The following PAQR3 variants were observed in gnomAD, a reference collection of about 807,000 sequenced individuals.
PAQR3 encodes the protein Raf kinase trapping to Golgi.
In PAQR3, 39 loss-of-function variants were observed where a neutral mutation model predicts 41.7. The ratio of observed to expected loss-of-function variants is 0.93; its 90% CI spans 0.72 to 1.22. The LOEUF is 1.22. Among genes scored for constraint, PAQR3 ranks in the 50% most tolerant of loss-of-function variants. The probability of loss-of-function intolerance (pLI) is 0.00; values close to 1 mark genes in which losing one functional copy is unlikely to be tolerated. For synonymous variants in PAQR3, 140 were observed against 140.6 expected, an observed-to-expected ratio of 1.00 and a Z score of 0.03; for missense variants, 366 against 385.6, an observed-to-expected ratio of 0.95 and a Z score of 0.42.
intron 2 of PAQR3, among the ~76,000 whole-genome samples, chr4:78,932,914 A>G (rs190395902): frequency 6.6e-6 from 1 of 152,316 alleles, no homozygotes; most frequent in Non-Finnish European, 1.5e-5. Context: ...GTTTCCTTCT[A>G]TGGAGTACCT....
At chr4:78,893,930 G>T (rs1733570614) in intron 11 of PAQR3, among the ~76,000 whole-genome samples, 1 of 152,192 alleles carries the variant, frequency 6.6e-6, no homozygotes, top group Admixed American at 6.5e-5. Context: ...ATTTTAGCAG[G>T]CATGAAAACA....
chr4:78,912,249 T>C lies in PAQR3; in HGVS notation c.*8290A>G, dbSNP rs1734679132. ...GAGAAAAGGGAGCTAAATTGCAAGC[T>C]CTAACTAAGGGTTTCTGCTACTGAC... On this transcript the variant is annotated 3_prime_UTR_variant, in exon 6 of 6. Coordinates refer to ENST00000512733, the MANE Select transcript of PAQR3 (RefSeq NM_001040202.2). 1.0e-5 allele frequency: 5 copies of C among 498,734 alleles called. No homozygotes were observed. Among genetic ancestry groups the C allele is most frequent in the Non-Finnish European group, 1.4e-5 (4 of 284,958 alleles). The allele number at this position is 498,734 out of a possible 1,614,324, so 30.9% of individuals were successfully genotyped here.
chr4:78,929,052 G>A (rs1736547694), intron 3 of PAQR3, among the ~76,000 whole-genome samples: 1 of 152,206 alleles, frequency 6.6e-6, no homozygotes, highest in South Asian at 2.1e-4. Context: ...ATGGGGAGTG[G>A]CTGTAAATAC....
chr4:78,917,666 G>C lies in PAQR3; in HGVS notation c.*2873C>G, dbSNP rs150222158. On this transcript the variant is annotated 3_prime_UTR_variant, in exon 6 of 6. Coordinates refer to ENST00000512733, the MANE Select transcript of PAQR3 (RefSeq NM_001040202.2). ...CAGGAATGATGATTTACAGTGGACAGGGACCTAATGCAGCAAAGCAACCAG... is the reference window on the plus strand; with the variant it reads ...CAGGAATGATGATTTACAGTGGACACGGACCTAATGCAGCAAAGCAACCAG... 1 of 287,944 alleles carries C rather than the reference G, an allele frequency of 3.5e-6. No homozygotes were observed. Among genetic ancestry groups the C allele is most frequent in the East Asian group, 1.8e-4 (1 of 5,672 alleles). 17.8% of individuals were successfully genotyped at this position (287,944 alleles called of 1,614,324 possible). A position where few individuals can be genotyped will look rare whatever the true frequency, so the allele number is the denominator to read the frequency against.
chr4:78,899,871 A>C (rs899208982), intron 11 of PAQR3, among the ~76,000 whole-genome samples: 6 of 152,332 alleles, frequency 3.9e-5, no homozygotes, highest in Non-Finnish European at 8.8e-5. Context: ...TCTTTCCAAG[A>C]GTCCAGCTGT....
intron 11 of PAQR3, among the ~76,000 whole-genome samples, chr4:78,901,764 C>T (rs1001354989): frequency 3.3e-5 from 5 of 152,046 alleles, no homozygotes; most frequent in Admixed American, 1.3e-4. Context: ...ACTTCTAAAA[C>T]GTAGTTTTCA....
chr4:78,912,662 T>A lies in PAQR3; in HGVS notation c.*7877A>T, dbSNP rs1734711355. 2 of 152,202 alleles carry A rather than the reference T, an allele frequency of 1.3e-5. No individual in the cohort carries two copies. Among genetic ancestry groups the A allele is most frequent in the Admixed American group, 1.3e-4 (2 of 15,272 alleles). 9.4% of individuals were successfully genotyped at this position (152,202 alleles called of 1,614,324 possible). On this transcript the variant is annotated 3_prime_UTR_variant, in exon 6 of 6. Transcript: ENST00000512733. ...AAAATGGAATATCTAATGATAAGCA[T>A]ATGAAATAATGTGTAATTAGCTCAA...
At chr4:78,887,865 A>G (rs1312703661) in intron 12 of PAQR3, among the ~76,000 whole-genome samples, 1 of 152,140 alleles carries the variant, frequency 6.6e-6, no homozygotes. Context: ...GTTATAGTGG[A>G]AAAAAAGAGT....
chr4:78,924,423 A>G (rs1273463184), intron 4 of PAQR3, among the ~76,000 whole-genome samples: 1 of 152,146 alleles, frequency 6.6e-6, no homozygotes, highest in Non-Finnish European at 1.5e-5. Flanking sequence ...CCTGGCCCTG[A>G]GAAAATCCAG....
chr4:78,924,302 A>AG (rs960888143), intron 4 of PAQR3, among the ~76,000 whole-genome samples: 2 of 152,152 alleles, frequency 1.3e-5, no homozygotes, highest in African/African-American at 4.8e-5. Flanking sequence ...AAAAGACCTA[A>AG]GGGGTCTCCC....
At chr4:78,895,031 GC>G (rs147632146) in intron 11 of PAQR3, among the ~76,000 whole-genome samples, 2,555 of 152,232 alleles carry the variant, frequency 0.017, 38 homozygotes, top group Non-Finnish European at 0.027. Context: ...AGTTTGTGGA[GC>G]CCAAAACAAT....
chr4:78,890,176 A>G (rs1733354613), intron 11 of PAQR3, among the ~76,000 whole-genome samples: 1 of 152,102 alleles, frequency 6.6e-6, no homozygotes, highest in South Asian at 2.1e-4. Flanking sequence ...TGAAATGGAA[A>G]AAAAAAAATC....
chr4:78,936,464 T>C (rs191636600), intron 1 of PAQR3, among the ~76,000 whole-genome samples: 19 of 152,324 alleles, frequency 1.2e-4, no homozygotes, highest in Admixed American at 1.2e-3. Flanking sequence ...ACAATGAAAG[T>C]GAGAACCATA....
chr4:78,907,411 C>T (rs1202317692), downstream of PAQR3, among the ~76,000 whole-genome samples: 2 of 151,978 alleles, frequency 1.3e-5, no homozygotes, highest in East Asian at 1.9e-4. Context: ...AAAAAGAAGG[C>T]GAATTTAAAT....
chr4:78,889,743 T>C (rs889634596), intron 11 of PAQR3, among the ~76,000 whole-genome samples: 1 of 152,232 alleles, frequency 6.6e-6, no homozygotes, highest in African/African-American at 2.4e-5. Context: ...GGTGTATGTG[T>C]GTATATACAA....
chr4:78,907,808 T>G (rs72862535), downstream of PAQR3, among the ~76,000 whole-genome samples: 8 of 152,192 alleles, frequency 5.3e-5, no homozygotes, highest in East Asian at 1.9e-4. Context: ...AGAATACACT[T>G]TGGGCAACAT....
intron 11 of PAQR3, among the ~76,000 whole-genome samples, chr4:78,900,787 T>C (rs1733955951): frequency 6.6e-6 from 1 of 152,214 alleles, no homozygotes; most frequent in African/African-American, 2.4e-5. Context: ...CTGGGAAAGT[T>C]AAATTTATAA....
At chr4:78,902,323 T>C (rs1577977164) in intron 11 of PAQR3, among the ~76,000 whole-genome samples, 1 of 152,150 alleles carries the variant, frequency 6.6e-6, no homozygotes, top group African/African-American at 2.4e-5. Flanking sequence ...GAGAACATAA[T>C]GGAAATGTCA....
downstream of PAQR3, among the ~76,000 whole-genome samples, chr4:78,906,943 G>T (rs1349428692): frequency 6.6e-6 from 1 of 152,062 alleles, no homozygotes; most frequent in Non-Finnish European, 1.5e-5. Flanking sequence ...AGCTTTAGTA[G>T]CTGTGTTAAT....
Sources: gnomAD v4.1 joint callset for allele counts (sites outside exome capture counted in the v4.1 genomes callset) on GRCh38, gnomAD v4.1.1 for gene constraint, MANE v1.5 for transcripts, NCBI Gene and HGNC (gene_info 2026-07-23, HGNC 2026-07-21) for gene names.